Variants in LURAP1L observed in about 807,000 individuals in gnomAD.
LURAP1L encodes the protein leucine rich adaptor protein 1 like.
Under a neutral mutation model 13.8 loss-of-function variants are expected in LURAP1L, and 12 were observed. That is an observed-to-expected ratio of 0.87 (90% CI 0.56 to 1.41). The LOEUF (loss-of-function observed/expected upper bound fraction) is 1.41, where lower values mean the gene tolerates loss of function less well. Ranked by LOEUF, LURAP1L falls within the 40% of genes most tolerant of loss-of-function variation. The probability of loss-of-function intolerance (pLI) is 0.00; values close to 1 mark genes in which losing one functional copy is unlikely to be tolerated. For missense variants in LURAP1L, 375 were observed against 292.9 expected, an observed-to-expected ratio of 1.28 and a Z score of -2.04; for synonymous variants, 139 against 119.2, an observed-to-expected ratio of 1.17 and a Z score of -1.08.
At chr9:12,781,353 C>T (rs73403654) in intron 1 of LURAP1L, among the ~76,000 whole-genome samples, 1 of 152,100 alleles carries the variant, frequency 6.6e-6, no homozygotes, top group African/African-American at 2.4e-5. Flanking sequence ...GCTCTTATTA[C>T]TTCTTTCTAA....
chr9:12,775,975 C>A lies in LURAP1L; in HGVS notation c.260C>A (p.Ser87Tyr), dbSNP rs866999155. The A allele has an allele frequency of 6.2e-7, 1 of 1,604,792 alleles. No homozygotes were observed. Among genetic ancestry groups the A allele is most frequent in the Non-Finnish European group, 8.5e-7 (1 of 1,175,830 alleles). Residue 87 changes from serine to tyrosine, a missense_variant, in exon 1 of 2, where the codon TCT becomes TAT. Transcript: ENST00000319264. Reference sequence around the variant, plus strand: ...TCTGGCTCCCCACGAGGTAGCCACTCTAGCGCCCTGGAGAGGCTAGAAACC... The same window carrying A: ...TCTGGCTCCCCACGAGGTAGCCACTATAGCGCCCTGGAGAGGCTAGAAACC... ...PTSGSPRGSH[S>Y]SALERLETKL...
At chr9:12,806,061 G>T (rs1301883068) in intron 1 of LURAP1L, among the ~76,000 whole-genome samples, 1 of 152,176 alleles carries the variant, frequency 6.6e-6, no homozygotes, top group African/African-American at 2.4e-5. Flanking sequence ...GGGCAACTCT[G>T]CTTAACTAGC....
At chr9:12,799,557 T>C (rs1468833319) in intron 1 of LURAP1L, among the ~76,000 whole-genome samples, 1 of 152,186 alleles carries the variant, frequency 6.6e-6, no homozygotes. Flanking sequence ...AATTACATTA[T>C]ATTTCAACAT....
intron 1 of LURAP1L, among the ~76,000 whole-genome samples, chr9:12,809,853 C>T (rs928991150): frequency 2.0e-5 from 3 of 152,142 alleles, no homozygotes; most frequent in African/African-American, 7.2e-5. Context: ...ACTCTATTGT[C>T]TTTGGGTTTC....
intron 1 of LURAP1L, among the ~76,000 whole-genome samples, chr9:12,797,024 AC>A (rs1472378662): frequency 1.3e-5 from 2 of 152,122 alleles, no homozygotes; most frequent in Non-Finnish European, 2.9e-5. Context: ...TATTATTATC[AC>A]TGGGGTTCTT....
rs186582243 is a variant in LURAP1L at position 12,785,047 on chromosome 9, A to T, written c.312+9020A>T. On this transcript the variant is annotated intron_variant, in intron 1 of 1. Transcript: ENST00000319264. ...GCCTGGCTACCACTGATGTTTACTCAAGGCCCAAGGGCTCTTTTTCACCTT... is the reference window on the plus strand; with the variant it reads ...GCCTGGCTACCACTGATGTTTACTCTAGGCCCAAGGGCTCTTTTTCACCTT... Among the ~76,000 whole-genome samples the T allele has an allele frequency of 1.1e-4, 16 of 151,814 alleles. No homozygotes were observed. In the East Asian group the frequency reaches 2.6e-3, roughly 24 times the overall value.
chr9:12,818,119 T>C (rs1819827611), intron 1 of LURAP1L, among the ~76,000 whole-genome samples: 1 of 147,220 alleles, frequency 6.8e-6, no homozygotes, highest in African/African-American at 2.6e-5. Flanking sequence ...CTGTGAATGT[T>C]TTGCTTCCAC....
intron 1 of LURAP1L, among the ~76,000 whole-genome samples, chr9:12,813,499 T>A (rs998476390): frequency 6.6e-6 from 1 of 152,236 alleles, no homozygotes; most frequent in African/African-American, 2.4e-5. Flanking sequence ...CATGTAGGAG[T>A]ATTTATGCTA....
At chr9:12,805,560 A>G (rs1819645656) in intron 1 of LURAP1L, among the ~76,000 whole-genome samples, 1 of 152,094 alleles carries the variant, frequency 6.6e-6, no homozygotes, top group Admixed American at 6.5e-5. Flanking sequence ...TTCTTTATGG[A>G]TTTAAGCAGA....
chr9:12,788,183 G>GAA (rs1554657466), intron 1 of LURAP1L, among the ~76,000 whole-genome samples: 5 of 146,946 alleles, frequency 3.4e-5, no homozygotes, highest in African/African-American at 1.3e-4. Context: ...AAGAAAGAAA[G>GAA]AAAGAAAGAA....
intron 1 of LURAP1L, among the ~76,000 whole-genome samples, chr9:12,820,780 G>A: frequency 6.6e-6 from 1 of 152,086 alleles, no homozygotes; most frequent in East Asian, 1.9e-4. Context: ...TAGTCATAAA[G>A]AATACAGGTC....
At chr9:12,776,145 C>G in intron 1 of LURAP1L, 118 bp downstream of exon 1, 2 of 1,057,746 alleles carry the variant, frequency 1.9e-6, no homozygotes, top group Non-Finnish European at 2.8e-6. Flanking sequence ...GCGCTGGGCG[C>G]GTGGGAAATG....
At chr9:12,808,963 C>A (rs1819700026) in intron 1 of LURAP1L, among the ~76,000 whole-genome samples, 1 of 152,132 alleles carries the variant, frequency 6.6e-6, no homozygotes, top group Non-Finnish European at 1.5e-5. Flanking sequence ...GTACAGGAAG[C>A]AAGGTGCCAC....
Position 12,775,801 on chromosome 9 carries a change from G to C in LURAP1L, c.86G>C (p.Arg29Pro). 3.7e-6 allele frequency: 6 copies of C among 1,609,402 alleles called. No individual in the cohort carries two copies. The highest frequency in any genetic ancestry group is 1.3e-5 in the African/African-American group (1 of 74,788). ...KVPESLVRSL[R>P]GEEPVPRERD... is the part of the protein sequence containing the mutation. ...CCCGAGAGTCTAGTGCGCTCTCTCCGTGGGGAGGAGCCGGTTCCCAGGGAA... is the reference window on the plus strand; with the variant it reads ...CCCGAGAGTCTAGTGCGCTCTCTCCCTGGGGAGGAGCCGGTTCCCAGGGAA... The change falls in exon 1 of 2, where the codon CGT (arginine) becomes CCT (proline). Residue 29 changes from arginine (R) to proline (P), a missense_variant. Physicochemically the swap from Arg to Pro is moderately radical, Grantham distance 103. Transcript: ENST00000319264.
chr9:12,778,491 G>A (rs1178561794), intron 1 of LURAP1L, among the ~76,000 whole-genome samples: 4 of 152,148 alleles, frequency 2.6e-5, no homozygotes, highest in African/African-American at 9.7e-5. Flanking sequence ...TAAGGATGCT[G>A]GCAGTAATGA....
chr9:12,801,236 C>T (rs1819581616), intron 1 of LURAP1L, among the ~76,000 whole-genome samples: 1 of 151,932 alleles, frequency 6.6e-6, no homozygotes, highest in Admixed American at 6.6e-5. Context: ...AACCTCTCCA[C>T]AAGCTATAAC....
chr9:12,796,766 T>C (rs1285174005), intron 1 of LURAP1L, among the ~76,000 whole-genome samples: 2 of 152,046 alleles, frequency 1.3e-5, no homozygotes, highest in African/African-American at 2.4e-5. Flanking sequence ...AGATTAAGCA[T>C]GTGAACTTCA....
chr9:12,779,204 ATG>A (rs1177953948), intron 1 of LURAP1L, among the ~76,000 whole-genome samples: 1 of 146,018 alleles, frequency 6.8e-6, no homozygotes, highest in Non-Finnish European at 1.5e-5. Context: ...AGACTTTACT[ATG>A]TGTAAGACAC....
rs374048758 is a variant in LURAP1L at position 12,788,187 on chromosome 9, G to GAAAGAAAGAAAGAAAGAAAGAAAGAAAGA, written c.312+12167_312+12168insGAAAGAAAGAAAGAAAGAAAGAAAAGAAA. Among the ~76,000 whole-genome samples the GAAAGAAAGAAAGAAAGAAAGAAAGAAAGA allele has an allele frequency of 5.3e-4, 72 of 136,660 alleles. 1 individual carries two copies. The highest frequency in any genetic ancestry group is 1.8e-3 in the African/African-American group (68 of 37,404). 89.7% of individuals were successfully genotyped at this position (136,660 alleles called of 152,430 possible). A position where few individuals can be genotyped will look rare whatever the true frequency, so the allele number is the denominator to read the frequency against. Reference sequence around the variant, plus strand: ...AGAAAGAAAGAAAGAAAGAAAGAAAGAAAGAAAAGAAAAGAAAAGAAAAGC... The same window carrying GAAAGAAAGAAAGAAAGAAAGAAAGAAAGA: ...AGAAAGAAAGAAAGAAAGAAAGAAAGAAAGAAAGAAAGAAAGAAAGAAAGAAAGAAAAGAAAAGAAAAGAAAAGAAAAGC... On this transcript the variant is annotated intron_variant, in intron 1 of 1. Transcript: ENST00000319264.
Sources: gnomAD v4.1 joint callset for allele counts (sites outside exome capture counted in the v4.1 genomes callset) on GRCh38, gnomAD v4.1.1 for gene constraint, MANE v1.5 for transcripts, NCBI Gene and HGNC (gene_info 2026-07-23, HGNC 2026-07-21) for gene names.